The following SAMM50 variants were observed in gnomAD, a reference collection of about 807,000 sequenced individuals.
The protein encoded by SAMM50 is SAMM50 sorting and assembly machinery component.
In SAMM50, 47 loss-of-function variants were observed where a neutral mutation model predicts 66.9. The observed-to-expected ratio is 0.70, with a 90% CI of 0.56 to 0.90. The LOEUF (loss-of-function observed/expected upper bound fraction) is 0.90. Among genes scored for constraint, SAMM50 ranks in the 40% least tolerant of loss-of-function variants. The pLI is 0.00. For synonymous variants in SAMM50, 191 were observed against 214.1 expected, an observed-to-expected ratio of 0.89 and a Z score of 0.94; for missense variants, 535 against 595.3, an observed-to-expected ratio of 0.90 and a Z score of 1.05.
At chr22:43,977,991 G>T in intron 10 of SAMM50, 33 bp downstream of exon 10, 1 of 1,411,374 alleles carries the variant, frequency 7.1e-7, no homozygotes, top group African/African-American at 1.4e-5. Context: ...CACCTGCACT[G>T]TCAGCCCTTA....
chr22:43,973,874 A>T (rs892349483), intron 7 of SAMM50, among the ~76,000 whole-genome samples: 8 of 152,018 alleles, frequency 5.3e-5, no homozygotes, highest in Non-Finnish European at 1.2e-4. Context: ...CAGCCTCCCA[A>T]AGTGCTGGGA....
At chr22:43,984,330 T>C (rs1487445700) in intron 12 of SAMM50, among the ~76,000 whole-genome samples, 1 of 152,236 alleles carries the variant, frequency 6.6e-6, no homozygotes, top group African/African-American at 2.4e-5. Flanking sequence ...TTATTTTTTT[T>C]GAGATGGAGT....
intron 10 of SAMM50, among the ~76,000 whole-genome samples, chr22:43,979,436 T>C (rs2146819630): frequency 6.6e-6 from 1 of 152,298 alleles, no homozygotes; most frequent in South Asian, 2.1e-4. Flanking sequence ...CCCTTGAACT[T>C]AACTCCCTGG....
At chr22:43,975,703 A>T (rs953049515) in intron 7 of SAMM50, 9 of 176,044 alleles carry the variant, frequency 5.1e-5, no homozygotes, top group Non-Finnish European at 9.7e-5. Flanking sequence ...CCATCAGATC[A>T]TCTTAGGTGT....
At chr22:43,981,491 GC>G in intron 11 of SAMM50, 30 bp downstream of exon 11, 1 of 1,483,540 alleles carries the variant, frequency 6.7e-7, no homozygotes, top group South Asian at 1.1e-5. Context: ...TGGATAATTT[GC>G]ACATATTTTC....
At chr22:43,978,849 G>A (rs1463633167) in intron 10 of SAMM50, among the ~76,000 whole-genome samples, 1 of 152,098 alleles carries the variant, frequency 6.6e-6, no homozygotes, top group Non-Finnish European at 1.5e-5. Flanking sequence ...TAAAACCTGG[G>A]GGCAAGGATT....
At position 43,963,904 on chromosome 22, in the gene SAMM50, T is replaced by C. The variant is rs143813367; in HGVS notation, c.132+508T>C. 5.3e-5 allele frequency among the ~76,000 whole-genome samples: 8 copies of C among 151,998 alleles called. No individual in the cohort carries two copies. The Middle Eastern group carries it at 0.014, about 258-fold the overall frequency. On this transcript the variant is annotated intron_variant, in intron 2 of 14. Coordinates refer to ENST00000350028, the MANE Select transcript of SAMM50 (RefSeq NM_015380.5). Reference sequence around the variant, plus strand: ...GATGCATACAGTTTTGTTTTGTTTTTTTTATTTTTAAAATTTTTTTTGAGA... The same window carrying C: ...GATGCATACAGTTTTGTTTTGTTTTCTTTATTTTTAAAATTTTTTTTGAGA...
In SAMM50 at chr22:43,955,581, G is replaced by A. The variant is rs1328163131; in HGVS notation, c.4G>A (p.Gly2Arg). 1.2e-6 allele frequency: 2 copies of A among 1,601,174 alleles called. No homozygotes were observed. The highest frequency in any genetic ancestry group is 1.3e-5 in the African/African-American group (1 of 74,806). Residue 2 changes from glycine to arginine, a missense_variant, in exon 1 of 15, where the codon GGG becomes AGG. Transcript: ENST00000350028. Reference protein sequence around the residue: MGTVHARSLEPL... With the variant: MRTVHARSLEPL... ...GGCAGCGGCTGGAGAGGGAACCATGGGGACTGTGCACGCCCGGGTAAGAGG... is the reference window on the plus strand; with the variant it reads ...GGCAGCGGCTGGAGAGGGAACCATGAGGACTGTGCACGCCCGGGTAAGAGG...
At chr22:43,988,993 C>G (rs1267938358) in intron 12 of SAMM50, 118 bp from the exon 13 acceptor site, 3 of 953,992 alleles carry the variant, frequency 3.1e-6, no homozygotes, top group Non-Finnish European at 4.7e-6. Context: ...CTTGCAAACT[C>G]CAGCACTGTG....
intron 2 of SAMM50, 129 bp from the exon 3 acceptor site, chr22:43,964,323 G>A (rs914976874): frequency 8.7e-6 from 5 of 577,468 alleles, no homozygotes; most frequent in African/African-American, 5.7e-5. Context: ...AAGTCCAGAG[G>A]TAAGAAGTGT....
intron 8 of SAMM50, among the ~76,000 whole-genome samples, chr22:43,976,533 T>C (rs111938319): frequency 6.6e-6 from 1 of 152,124 alleles, no homozygotes; most frequent in African/African-American, 2.4e-5. Context: ...GCAGGAATCG[T>C]TTATTCAGTT....
chr22:43,978,636 AT>A (rs111610126), intron 10 of SAMM50, among the ~76,000 whole-genome samples: 713 of 141,652 alleles, frequency 5.0e-3, no homozygotes, highest in African/African-American at 6.9e-3. Flanking sequence ...GCTTTCAGAA[AT>A]TTTTTTTTTT....
intron 10 of SAMM50, among the ~76,000 whole-genome samples, chr22:43,979,488 C>T (rs1191129946): frequency 6.6e-6 from 1 of 152,216 alleles, no homozygotes; most frequent in African/African-American, 2.4e-5. Flanking sequence ...ACCCACTGGG[C>T]GCTGCCCTTC....
chr22:43,966,143 A>G (rs1219516379), intron 3 of SAMM50, among the ~76,000 whole-genome samples: 2 of 152,170 alleles, frequency 1.3e-5, no homozygotes, highest in Non-Finnish European at 2.9e-5. Context: ...CTGGCCCTCT[A>G]CATTTTATTA....
intron 9 of SAMM50, 61 bp downstream of exon 9, chr22:43,976,882 T>C (rs1386194462): frequency 2.4e-6 from 2 of 842,162 alleles, no homozygotes; most frequent in South Asian, 1.4e-5. Context: ...GGACAGTAGA[T>C]AAAGTCCCGG....
chr22:43,992,223 T>C (rs1339116426), intron 14 of SAMM50, among the ~76,000 whole-genome samples: 1 of 152,232 alleles, frequency 6.6e-6, no homozygotes, highest in Non-Finnish European at 1.5e-5. Flanking sequence ...TGGTGCTTTG[T>C]AAAGGGGAGC....
chr22:43,966,808 A>ATTTTTTTTTTTTTTTTTTTTTTTTTT (rs59436064), intron 3 of SAMM50, among the ~76,000 whole-genome samples: 1 of 149,802 alleles, frequency 6.7e-6, no homozygotes, highest in Non-Finnish European at 1.5e-5. Flanking sequence ...GAGATCCAGC[A>ATTTTTTTTTTTTTTTTTTTTTTTTTT]TTTTTTTTTT....
At chr22:43,976,373 G>A (rs1012116040) in intron 8 of SAMM50, among the ~76,000 whole-genome samples, 190 bp downstream of exon 8, 1 of 152,222 alleles carries the variant, frequency 6.6e-6, no homozygotes, top group Non-Finnish European at 1.5e-5. Flanking sequence ...AATAATGTCA[G>A]TGGTAACAGG....
intron 7 of SAMM50, among the ~76,000 whole-genome samples, chr22:43,973,909 G>C (rs2050217602): frequency 2.0e-5 from 3 of 152,136 alleles, no homozygotes; most frequent in Non-Finnish European, 2.9e-5. Flanking sequence ...CACTGCACCT[G>C]GTCCGGAAGG....
Sources: gnomAD v4.1 joint callset for allele counts (sites outside exome capture counted in the v4.1 genomes callset) on GRCh38, gnomAD v4.1.1 for gene constraint, MANE v1.5 for transcripts, NCBI Gene and HGNC (gene_info 2026-07-23, HGNC 2026-07-21) for gene names.